Variants in SIL1 observed in about 807,000 individuals in gnomAD.
The protein encoded by SIL1 is SIL1 nucleotide exchange factor.
In SIL1, 40 loss-of-function variants were observed where a neutral mutation model predicts 49.1. That is an observed-to-expected ratio of 0.81 (90% CI 0.63 to 1.06). The LOEUF (loss-of-function observed/expected upper bound fraction) is 1.06, where lower values mean the gene tolerates loss of function less well. Among genes scored for constraint, SIL1 ranks in the 50% least tolerant of loss-of-function variants. The pLI is 0.00. For missense variants in SIL1, 500 were observed against 572.6 expected (o/e 0.87, Z 1.29); for synonymous variants, 253 against 250.8 (o/e 1.01, Z -0.08).
chr5:139,167,319 C>A (rs540068696), intron 1 of SIL1, among the ~76,000 whole-genome samples: 26 of 152,298 alleles, frequency 1.7e-4, no homozygotes, highest in Non-Finnish European at 3.4e-4. Context: ...GCAGGTCTTT[C>A]CAGAAGGCAC....
chr5:139,062,606 G>A (rs1769617075), intron 3 of SIL1, among the ~76,000 whole-genome samples: 1 of 152,130 alleles, frequency 6.6e-6, no homozygotes, highest in African/African-American at 2.4e-5. Flanking sequence ...AGTCCTCAAG[G>A]AGGACAAACT....
chr5:139,124,487 A>G (rs1750715875), intron 2 of SIL1, among the ~76,000 whole-genome samples: 1 of 152,162 alleles, frequency 6.6e-6, no homozygotes, highest in African/African-American at 2.4e-5. Flanking sequence ...TTTAGTGGAG[A>G]TTGACACAAA....
rs76857360 is a variant in SIL1, at chr5:139,063,279, T to C, written c.245-12233A>G. The stretch of plus-strand genomic sequence containing the variant: ...GCATCAGACCTTTAAGCATGTGCAG[T>C]TACTCACTCCTTCCACCAGCCTAGG... On this transcript the variant is annotated intron_variant, in intron 3 of 9. Transcript: ENST00000394817. Among the ~76,000 whole-genome samples the C allele has an allele frequency of 7.0e-3, 1,068 of 152,270 alleles. 11 individuals are homozygous for C. Among genetic ancestry groups the C allele is most frequent in the African/African-American group, 0.025 (1,023 of 41,538 alleles).
intron 7 of SIL1, among the ~76,000 whole-genome samples, chr5:138,987,082 A>AATT (rs142619589): frequency 7.4e-6 from 1 of 135,450 alleles, no homozygotes; most frequent in South Asian, 2.5e-4. Flanking sequence ...TTTATGATAG[A>AATT]TTATTTTATT....
At chr5:138,980,306 C>T (rs949469795) in intron 7 of SIL1, among the ~76,000 whole-genome samples, 5 of 152,172 alleles carry the variant, frequency 3.3e-5, no homozygotes, top group African/African-American at 2.4e-5. Flanking sequence ...CCTCAGGGAT[C>T]CTAGACTTGA....
chr5:139,079,227 C>G (rs1770018958), intron 3 of SIL1, among the ~76,000 whole-genome samples: 1 of 152,176 alleles, frequency 6.6e-6, no homozygotes, highest in African/African-American at 2.4e-5. Context: ...TGGCGCCTTG[C>G]AGCAAAGGCC....
chr5:138,971,133 G>C (rs1372556712), intron 7 of SIL1, among the ~76,000 whole-genome samples: 1 of 152,126 alleles, frequency 6.6e-6, no homozygotes, highest in Non-Finnish European at 1.5e-5. Context: ...AGGAAAGGAA[G>C]TATTATTTTC....
intron 7 of SIL1, among the ~76,000 whole-genome samples, chr5:138,953,636 T>G (rs561907727): frequency 5.3e-5 from 8 of 152,170 alleles, no homozygotes; most frequent in Admixed American, 4.6e-4. Flanking sequence ...CCTCTCCAGA[T>G]AGGCAGGCAG....
intron 7 of SIL1, among the ~76,000 whole-genome samples, chr5:138,998,318 C>T (rs1429548835): frequency 2.0e-5 from 3 of 152,034 alleles, no homozygotes; most frequent in Non-Finnish European, 4.4e-5. Flanking sequence ...CAGGCGCGCA[C>T]CACCACACTT....
At chr5:139,048,501 G>A (rs1005061737) in intron 4 of SIL1, among the ~76,000 whole-genome samples, 5 of 149,840 alleles carry the variant, frequency 3.3e-5, no homozygotes, top group Admixed American at 6.7e-5. Flanking sequence ...TCAGCCCCAC[G>A]AGTAGCTGGG....
At chr5:139,172,647 AGAC>A (rs1215636000) in intron 1 of SIL1, among the ~76,000 whole-genome samples, 51 of 151,594 alleles carry the variant, frequency 3.4e-4, no homozygotes, top group African/African-American at 1.0e-3. Context: ...AAAAAAAAAA[AGAC>A]AGACAAAGAC....
chr5:139,040,484 C>CTTTTTTTTTTTTTTTTTTTTTTTTTTTTT (rs140792595), intron 5 of SIL1, among the ~76,000 whole-genome samples: 1 of 89,410 alleles, frequency 1.1e-5, no homozygotes. Context: ...AGTATTTTTT[C>CTTTTTTTTTTTTTTTTTTTTTTTTTTTTT]TTTTTTCTTT....
chr5:139,100,396 A>G (rs1473451071), intron 3 of SIL1, among the ~76,000 whole-genome samples: 1 of 152,214 alleles, frequency 6.6e-6, no homozygotes, highest in Non-Finnish European at 1.5e-5. Context: ...AATATAAGGG[A>G]GAGTAGCAGC....
chr5:139,002,732 G>A (rs1320148527), intron 7 of SIL1, among the ~76,000 whole-genome samples: 1 of 152,192 alleles, frequency 6.6e-6, no homozygotes, highest in Non-Finnish European at 1.5e-5. Flanking sequence ...AATAGTTGCT[G>A]AGGTTACTGT....
At chr5:139,028,207 A>T (rs1415753479) in intron 5 of SIL1, among the ~76,000 whole-genome samples, 1 of 152,130 alleles carries the variant, frequency 6.6e-6, no homozygotes, top group Non-Finnish European at 1.5e-5. Flanking sequence ...TCAAAAAAAA[A>T]AAAAGGTTTT....
intron 3 of SIL1, among the ~76,000 whole-genome samples, chr5:139,052,503 G>A (rs752459718): frequency 6.6e-6 from 1 of 152,118 alleles, no homozygotes; most frequent in Non-Finnish European, 1.5e-5. Context: ...TTGGCAAATG[G>A]TGAAACCCCA....
At chr5:139,060,381 A>G (rs982790269) in intron 3 of SIL1, among the ~76,000 whole-genome samples, 1 of 152,206 alleles carries the variant, frequency 6.6e-6, no homozygotes, top group African/African-American at 2.4e-5. Flanking sequence ...CAATATAAAT[A>G]ACAGTTTTTT....
intron 3 of SIL1, among the ~76,000 whole-genome samples, chr5:139,113,203 G>T (rs2151789440): frequency 6.6e-6 from 1 of 151,966 alleles, no homozygotes; most frequent in Admixed American, 6.5e-5. Context: ...AGAAACCTTT[G>T]TTCACTTGTT....
chr5:139,004,889 G>A (rs1031978993), intron 7 of SIL1, among the ~76,000 whole-genome samples: 2 of 152,184 alleles, frequency 1.3e-5, no homozygotes, highest in Non-Finnish European at 2.9e-5. Flanking sequence ...TTGTGCATAC[G>A]TGGAATCTAA....
Sources: gnomAD v4.1 joint callset for allele counts (sites outside exome capture counted in the v4.1 genomes callset) on GRCh38, gnomAD v4.1.1 for gene constraint, MANE v1.5 for transcripts, NCBI Gene and HGNC (gene_info 2026-07-23, HGNC 2026-07-21) for gene names.